The following TPM3 variants were observed in gnomAD, a reference collection of about 807,000 sequenced individuals.
The protein encoded by TPM3 is tropomyosin 3.
Under a neutral mutation model 43.1 loss-of-function variants are expected in TPM3, and 16 were observed. The ratio of observed to expected loss-of-function variants is 0.37; its 90% confidence interval spans 0.25 to 0.56. The LOEUF (loss-of-function observed/expected upper bound fraction) is 0.56, where lower values mean the gene tolerates loss of function less well. TPM3 is among the 20% of genes least tolerant of loss of function. The pLI is 0.77. For synonymous variants in TPM3, 101 were observed against 116.9 expected, an observed-to-expected ratio of 0.86 and a Z score of 0.88; for missense variants, 176 against 337.2, an observed-to-expected ratio of 0.52 and a Z score of 3.74.
rs1476380836 is a variant in TPM3, at chr1:154,167,412, AC to A, written c.*524del. 9.4e-7 allele frequency: 1 copy of A among 1,067,038 alleles called. No homozygotes were observed. Among genetic ancestry groups the A allele is most frequent in the Non-Finnish European group, 1.1e-6 (1 of 879,674 alleles). 66.1% of individuals were successfully genotyped at this position (1,067,038 alleles called of 1,614,324 possible). On this transcript the variant is annotated 3_prime_UTR_variant, in exon 10 of 10. Transcript: ENST00000651641. ...GTCACTTCAATGGCTTCTCAATGAC[AC>A]CACACCAAAGGAGGAATACCTGAAG...
intron 2 of TPM3, among the ~76,000 whole-genome samples, chr1:154,176,977 T>C (rs1662410652): frequency 8.3e-6 from 1 of 121,212 alleles, no homozygotes; most frequent in Admixed American, 8.8e-5. Context: ...AAACTCCATT[T>C]CAAAAAAAAA....
chr1:154,183,367 T>C lies in TPM3; in HGVS notation c.244-7119A>G, dbSNP rs980957835. 2.5e-5 allele frequency: 34 copies of C among 1,342,794 alleles called. No individual in the cohort carries two copies. The African/African-American group carries it at 4.1e-4, about 16-fold the overall frequency. The allele number at this position is 1,342,794 out of a possible 1,614,324, so 83.2% of individuals were successfully genotyped here. A position where few individuals can be genotyped will look rare whatever the true frequency, so the allele number is the denominator to read the frequency against. ...CTGGAGTACGGCTCCCGGCCTTACCTTGGGCCAGTAAACTGGGACGGGGTT... is the reference window on the plus strand; with the variant it reads ...CTGGAGTACGGCTCCCGGCCTTACCCTGGGCCAGTAAACTGGGACGGGGTT... On this transcript the variant is annotated intron_variant, in intron 2 of 9. Coordinates refer to ENST00000651641, the MANE Select transcript of TPM3 (RefSeq NM_152263.4).
intron 2 of TPM3, among the ~76,000 whole-genome samples, chr1:154,190,333 T>C (rs1663627028): frequency 6.6e-6 from 1 of 152,240 alleles, no homozygotes; most frequent in Non-Finnish European, 1.5e-5. Context: ...ACATTTCTGT[T>C]GTTGTTGGTA....
chr1:154,162,048 A>T lies in TPM3; in HGVS notation c.*5889T>A, dbSNP rs1297520316. ...GCAAGGCAGAGAACCTATTTGGTCT[A>T]GCGTTCTTTTCAGCTATATCTAATT... On this transcript the variant is annotated 3_prime_UTR_variant, in exon 10 of 10. Coordinates refer to ENST00000651641, the MANE Select transcript of TPM3 (RefSeq NM_152263.4). 1.3e-5 allele frequency among the ~76,000 whole-genome samples: 2 copies of T among 152,182 alleles called. No individual in the cohort carries two copies. Among genetic ancestry groups the T allele is most frequent in the African/African-American group, 4.8e-5 (2 of 41,458 alleles).
At chr1:154,182,864 C>T in intron 2 of TPM3, 1 of 1,483,536 alleles carries the variant, frequency 6.7e-7, no homozygotes, top group Non-Finnish European at 9.3e-7. Flanking sequence ...CCTCCGAGAT[C>T]CCAACTTCAT....
chr1:154,172,770 A>C, intron 5 of TPM3, 138 bp downstream of exon 5: 1 of 1,083,960 alleles, frequency 9.2e-7, no homozygotes, highest in Non-Finnish European at 1.4e-6. Flanking sequence ...TGGGCCTAAA[A>C]AAGCACTATA....
intron 8 of TPM3, chr1:154,170,197 TC>T: frequency 1.7e-6 from 1 of 599,480 alleles, no homozygotes; most frequent in Non-Finnish European, 3.0e-6. Flanking sequence ...GGTAAAGTCT[TC>T]TTAAAGGAAA....
chr1:154,183,111 C>A (rs769860537), intron 2 of TPM3: 1 of 1,598,628 alleles, frequency 6.3e-7, no homozygotes, highest in South Asian at 1.1e-5. Context: ...TGGTGGTGAT[C>A]CCAGCCATGG....
At chr1:154,179,859 AC>A in intron 2 of TPM3, among the ~76,000 whole-genome samples, 1 of 152,232 alleles carries the variant, frequency 6.6e-6, no homozygotes, top group East Asian at 1.9e-4. Flanking sequence ...GAGCCACCGC[AC>A]CCAGCCTCTT....
chr1:154,168,325 T>C (rs534614889), intron 9 of TPM3, among the ~76,000 whole-genome samples: 3 of 152,346 alleles, frequency 2.0e-5, no homozygotes, highest in East Asian at 3.9e-4. Flanking sequence ...TTTGTCTTAA[T>C]GTGTCAGGGC....
At chr1:154,158,922 G>A (rs1165663127), downstream of TPM3, 1 of 778,006 alleles carries the variant, frequency 1.3e-6, no homozygotes, top group East Asian at 2.4e-5. Flanking sequence ...CAGGTCAGTG[G>A]TGTGAGCAGT....
At chr1:154,158,287 A>G (rs997603406), downstream of TPM3, among the ~76,000 whole-genome samples, 7 of 152,252 alleles carry the variant, frequency 4.6e-5, no homozygotes, top group Non-Finnish European at 1.0e-4. Flanking sequence ...AGTAGTTGTA[A>G]GCAAACCTTG....
chr1:154,179,318 T>C (rs1452052319), intron 2 of TPM3, among the ~76,000 whole-genome samples: 5 of 152,200 alleles, frequency 3.3e-5, no homozygotes, highest in East Asian at 1.9e-4. Context: ...TAAAGGGCTA[T>C]CTGCCTCTCC....
intron 2 of TPM3, among the ~76,000 whole-genome samples, chr1:154,181,577 T>A (rs552677380): frequency 6.6e-6 from 1 of 152,188 alleles, no homozygotes; most frequent in South Asian, 2.1e-4. Flanking sequence ...ATCTTATGGC[T>A]TACACTAAAA....
chr1:154,173,787 C>T (rs964254981), intron 3 of TPM3, among the ~76,000 whole-genome samples: 1 of 151,516 alleles, frequency 6.6e-6, no homozygotes, highest in Non-Finnish European at 1.5e-5. Flanking sequence ...GTCAGGAGTT[C>T]GAGACCAGCT....
At chr1:154,190,808 C>T (rs1212757666) in intron 2 of TPM3, among the ~76,000 whole-genome samples, 1 of 152,210 alleles carries the variant, frequency 6.6e-6, no homozygotes, top group Non-Finnish European at 1.5e-5. Flanking sequence ...CACATATCCA[C>T]ATGCCAAGAC....
At chr1:154,158,605 C>A, downstream of TPM3, 1 of 359,768 alleles carries the variant, frequency 2.8e-6, no homozygotes, top group Non-Finnish European at 5.2e-6. Flanking sequence ...GCAGTTACAA[C>A]AACTTGTCAA....
downstream of TPM3, chr1:154,157,835 C>A (rs902508978): frequency 5.3e-6 from 4 of 750,240 alleles, no homozygotes; most frequent in Non-Finnish European, 9.9e-6. Flanking sequence ...AAGCAGCTGC[C>A]TTCTCAGCCA....
downstream of TPM3, chr1:154,155,610 T>C (rs1204883777): frequency 8.5e-6 from 2 of 235,362 alleles, no homozygotes; most frequent in Non-Finnish European, 1.7e-5. Context: ...ACAGCCGGCC[T>C]CTAAGCAAAT....
Sources: allele counts gnomAD v4.1 joint callset (sites outside exome capture counted in the v4.1 genomes callset), GRCh38; gene constraint gnomAD v4.1.1; transcripts MANE v1.5; gene names NCBI Gene and HGNC (gene_info 2026-07-23, HGNC 2026-07-21).